Variants in CDRT4 observed in about 807,000 individuals in gnomAD.
The protein encoded by CDRT4 is CMT1A duplicated region transcript 4 protein.
For missense variants in CDRT4, 167 were observed against 193.1 expected, an observed-to-expected ratio of 0.87 and a Z score of 0.80; for synonymous variants, 64 against 69.6, an observed-to-expected ratio of 0.92 and a Z score of 0.40.
Position 15,459,250 on chromosome 17 carries a change from A to G in CDRT4, c.-129-6165T>C, listed in dbSNP as rs149097798. ...CCCCTCCACTCATGAACAACAAGACAAATGGAGCTTCTTTTGACTTGTAGC... is the reference window on the plus strand; with the variant it reads ...CCCCTCCACTCATGAACAACAAGACGAATGGAGCTTCTTTTGACTTGTAGC... On this transcript the variant is annotated intron_variant, in intron 1 of 3. Transcript: ENST00000619038. Among the ~76,000 whole-genome samples the G allele has an allele frequency of 1.2e-3, 183 of 152,168 alleles. 4 individuals are homozygous for G. The East Asian group carries it at 0.034, about 28-fold the overall frequency.
chr17:15,459,439 CTTT>C (rs35161691), intron 1 of CDRT4, among the ~76,000 whole-genome samples: 586 of 107,456 alleles, frequency 5.5e-3, no homozygotes, highest in African/African-American at 0.021. Flanking sequence ...CTTTTTTTTT[CTTT>C]TTTTTTTTTT....
chr17:15,454,006 G>T (rs533296670), intron 1 of CDRT4, among the ~76,000 whole-genome samples: 1 of 152,186 alleles, frequency 6.6e-6, no homozygotes, highest in Non-Finnish European at 1.5e-5. Context: ...GGATGGCAAT[G>T]TCTGCTGCAA....
intron 1 of CDRT4, among the ~76,000 whole-genome samples, chr17:15,461,518 C>T (rs1180335090): frequency 6.6e-6 from 1 of 152,180 alleles, no homozygotes; most frequent in Non-Finnish European, 1.5e-5. Flanking sequence ...TCCTTAGTAC[C>T]AGTATCACCT....
intron 1 of CDRT4, among the ~76,000 whole-genome samples, chr17:15,463,715 G>A (rs1178829734): frequency 1.3e-5 from 2 of 152,170 alleles, no homozygotes; most frequent in African/African-American, 2.4e-5. Context: ...ATGTGCCAGA[G>A]GCTATGCTAG....
intron 1 of CDRT4, among the ~76,000 whole-genome samples, chr17:15,459,391 G>C (rs11655028): frequency 0.063 from 9,596 of 151,244 alleles, 696 homozygotes; most frequent in South Asian, 0.24. Context: ...TAGGTGTCAA[G>C]GAACGTATAC....
At chr17:15,445,557 C>T (rs147922736) in intron 2 of CDRT4, among the ~76,000 whole-genome samples, 2 of 152,138 alleles carry the variant, frequency 1.3e-5, no homozygotes, top group African/African-American at 4.8e-5. Flanking sequence ...GAACTAGCAA[C>T]CAGTGAAAAA....
At chr17:15,438,903 G>A (rs2150783894) in intron 3 of CDRT4, among the ~76,000 whole-genome samples, 1 of 152,256 alleles carries the variant, frequency 6.6e-6, no homozygotes, top group Non-Finnish European at 1.5e-5. Flanking sequence ...CTAACAAGTG[G>A]TGGGTTTGAA....
intron 2 of CDRT4, chr17:15,444,271 A>G: frequency 1.9e-6 from 1 of 539,930 alleles, no homozygotes; most frequent in Non-Finnish European, 3.3e-6. Flanking sequence ...AAGATGCAAT[A>G]AAAGACCTAT....
At chr17:15,465,657 GCACA>G (rs1980003508) in intron 1 of CDRT4, among the ~76,000 whole-genome samples, 1 of 151,536 alleles carries the variant, frequency 6.6e-6, no homozygotes, top group Non-Finnish European at 1.5e-5. Flanking sequence ...AGACACACAC[GCACA>G]AAGATACACA....
rs1419028054 is a variant in CDRT4 at position 15,464,704 on chromosome 17, T to TA, written c.-130+2755dup. ...AAACCTTGCCAAGTCTCCCCTCCTC[T>TA]AAACAATTCTTCCATTGACCCCCAA... On this transcript the variant is annotated intron_variant, in intron 1 of 3. Transcript: ENST00000619038. The surrounding 1 kb of genome is among the most constrained non-coding windows in gnomAD (Gnocchi z 4.5). Among the ~76,000 whole-genome samples the TA allele has an allele frequency of 5.3e-5, 8 of 152,070 alleles. No individual in the cohort carries two copies. The highest frequency in any genetic ancestry group is 1.9e-4 in the African/African-American group (8 of 41,402).
Position 15,444,714 on chromosome 17 carries a change from C to CAGAGAGAGAGAGAGAG in CDRT4, c.-47-4445_-47-4430dup, listed in dbSNP as rs59581257. Among the ~76,000 whole-genome samples, 854 of 135,844 alleles carry CAGAGAGAGAGAGAGAG rather than the reference C, an allele frequency of 6.3e-3. 10 individuals carry two copies. Among genetic ancestry groups the CAGAGAGAGAGAGAGAG allele is most frequent in the South Asian group, 0.018 (69 of 3,768 alleles). 89.1% of individuals were successfully genotyped at this position (135,844 alleles called of 152,430 possible). A position where few individuals can be genotyped will look rare whatever the true frequency, so the allele number is the denominator to read the frequency against. On this transcript the variant is annotated intron_variant, in intron 2 of 3. Transcript: ENST00000619038. The stretch of plus-strand genomic sequence containing the variant: ...TAAAAATATAAAAATTAGCCAAGCG[C>CAGAGAGAGAGAGAGAG]AGAGAGAGAGAGAGAGAGAGAGAGA...
chr17:15,443,158 C>T (rs552920088), intron 2 of CDRT4, among the ~76,000 whole-genome samples: 166 of 152,214 alleles, frequency 1.1e-3, no homozygotes, highest in African/African-American at 3.7e-3. Context: ...TTACCTGGAA[C>T]GTGAAACAAT....
intron 2 of CDRT4, among the ~76,000 whole-genome samples, chr17:15,449,882 G>C (rs1184721602): frequency 6.6e-6 from 1 of 152,126 alleles, no homozygotes; most frequent in African/African-American, 2.4e-5. Flanking sequence ...TGCTGCAAAG[G>C]ACAGTCTTTC....
At chr17:15,452,272 A>G (rs953838701) in intron 2 of CDRT4, among the ~76,000 whole-genome samples, 1 of 152,214 alleles carries the variant, frequency 6.6e-6, no homozygotes, top group African/African-American at 2.4e-5. Context: ...TCCCCCATCC[A>G]TAAAATGGGA....
chr17:15,442,660 G>C (rs1005480576), intron 2 of CDRT4, among the ~76,000 whole-genome samples: 2 of 152,134 alleles, frequency 1.3e-5, no homozygotes, highest in Admixed American at 6.5e-5. Context: ...CTCTGGCCAG[G>C]ACTCACCTGA....
chr17:15,447,100 G>A (rs35979762), intron 2 of CDRT4, among the ~76,000 whole-genome samples: 25 of 151,908 alleles, frequency 1.6e-4, no homozygotes, highest in Non-Finnish European at 2.1e-4. Context: ...CAGGTTTCCC[G>A]TGCTGATAAA....
At chr17:15,460,474 C>G (rs1358472292) in intron 1 of CDRT4, among the ~76,000 whole-genome samples, 3 of 152,190 alleles carry the variant, frequency 2.0e-5, no homozygotes, top group Non-Finnish European at 4.4e-5. Context: ...GCCTTCCCAG[C>G]AAACCTGTGC....
chr17:15,440,122 G>C, intron 3 of CDRT4, 86 bp downstream of exon 3: 1 of 1,258,118 alleles, frequency 7.9e-7, no homozygotes. Flanking sequence ...AAGAGTGGCC[G>C]CCCAGTGGCC....
chr17:15,446,238 A>AC (rs1168998900), intron 2 of CDRT4, among the ~76,000 whole-genome samples: 2 of 151,732 alleles, frequency 1.3e-5, no homozygotes, highest in South Asian at 2.1e-4. Flanking sequence ...GCTGGGAAGC[A>AC]CCGAGTGCAC....
Sources: allele counts gnomAD v4.1 joint callset (sites outside exome capture counted in the v4.1 genomes callset), GRCh38; gene constraint gnomAD v4.1.1; non-coding constraint Gnocchi (gnomAD v3.1); transcripts MANE v1.5; gene names NCBI Gene and HGNC (gene_info 2026-07-23, HGNC 2026-07-21).